The following DISP1 variants were observed in gnomAD, a reference collection of about 807,000 sequenced individuals.
DISP1 encodes the protein protein dispatched homolog 1.
A neutral mutation model predicts 37.3 loss-of-function variants in DISP1; 30 were observed. That is an observed-to-expected ratio of 0.80 (90% confidence interval 0.60 to 1.09). The LOEUF (loss-of-function observed/expected upper bound fraction) is 1.09, where lower values mean the gene tolerates loss of function less well. Ranked by LOEUF, DISP1 falls within the 50% of genes least tolerant of loss-of-function variation. The pLI is 0.00. For missense variants in DISP1, 1,598 were observed against 1,879.5 expected (o/e 0.85, Z 2.77); for synonymous variants, 634 against 690.2 (o/e 0.92, Z 1.28).
chr1:222,830,602 G>A (rs953484527), intron 1 of DISP1, among the ~76,000 whole-genome samples: 10 of 151,984 alleles, frequency 6.6e-5, no homozygotes, highest in Admixed American at 5.9e-4. Context: ...GGCTGGTCTC[G>A]AACTCCTGAC....
chr1:222,963,667 A>G (rs1676234424), intron 3 of DISP1, among the ~76,000 whole-genome samples: 1 of 152,182 alleles, frequency 6.6e-6, no homozygotes, highest in Non-Finnish European at 1.5e-5. Context: ...ACACAGGAAC[A>G]TAAAACCAAA....
chr1:222,991,757 A>G, intron 6 of DISP1, 110 bp downstream of exon 6: 1 of 1,264,850 alleles, frequency 7.9e-7, no homozygotes, highest in South Asian at 1.4e-5. Flanking sequence ...GTGGCTCAAA[A>G]TCTTTGCCAC....
chr1:222,984,522 TTATA>T (rs1266427129), intron 4 of DISP1, among the ~76,000 whole-genome samples: 1 of 149,524 alleles, frequency 6.7e-6, no homozygotes, highest in Non-Finnish European at 1.5e-5. Context: ...GGTTTATATG[TTATA>T]TATAACAGGT....
chr1:222,867,904 C>A (rs1295666456), intron 1 of DISP1, among the ~76,000 whole-genome samples: 3 of 151,914 alleles, frequency 2.0e-5, no homozygotes, highest in African/African-American at 4.8e-5. Context: ...ATGCTTAGGC[C>A]AGTTGGTTGT....
At chr1:222,847,325 C>T (rs2125302078) in intron 1 of DISP1, among the ~76,000 whole-genome samples, 1 of 152,254 alleles carries the variant, frequency 6.6e-6, no homozygotes, top group South Asian at 2.1e-4. Flanking sequence ...CCATTTCATT[C>T]AAGGGTCCTG....
chr1:222,943,511 C>T (rs1483500738), intron 3 of DISP1, 179 bp downstream of exon 3: 4 of 763,772 alleles, frequency 5.2e-6, no homozygotes, highest in Middle Eastern at 2.5e-4. Flanking sequence ...TACTGTATAT[C>T]GATTTTATCC....
intron 1 of DISP1, among the ~76,000 whole-genome samples, chr1:222,885,853 A>G (rs1414623371): frequency 6.6e-6 from 1 of 152,018 alleles, no homozygotes; most frequent in Admixed American, 6.6e-5. Flanking sequence ...GAGTTCCTCC[A>G]TGTCTATCAT....
rs993080969 is a variant in DISP1, at chr1:222,859,318, T to C, written c.-159+44240T>C. 3.9e-5 allele frequency among the ~76,000 whole-genome samples: 6 copies of C among 152,012 alleles called. No homozygotes were observed. The South Asian group carries it at 1.0e-3, about 26-fold the overall frequency. ...GACAAAGGGAGGGGAACAGCACACATTGGGGCCTGTCGGGAGGTGGAGTCG... is the reference window on the plus strand; with the variant it reads ...GACAAAGGGAGGGGAACAGCACACACTGGGGCCTGTCGGGAGGTGGAGTCG... On this transcript the variant is annotated intron_variant, in intron 1 of 8. Transcript: ENST00000675850.
At chr1:222,952,702 T>C (rs1675309183) in intron 3 of DISP1, among the ~76,000 whole-genome samples, 1 of 151,986 alleles carries the variant, frequency 6.6e-6, no homozygotes, top group Non-Finnish European at 1.5e-5. Context: ...ATACAAAAAT[T>C]AGCTGGGTGT....
intron 1 of DISP1, among the ~76,000 whole-genome samples, chr1:222,918,001 T>A (rs1408641084): frequency 2.0e-5 from 3 of 152,204 alleles, no homozygotes; most frequent in Non-Finnish European, 4.4e-5. Context: ...GGTTCCCCTC[T>A]CAACAGAAAA....
At chr1:222,950,714 A>G (rs977773079) in intron 3 of DISP1, among the ~76,000 whole-genome samples, 1 of 152,174 alleles carries the variant, frequency 6.6e-6, no homozygotes, top group African/African-American at 2.4e-5. Context: ...TCTGTTCTTT[A>G]TCCTCCAGAG....
chr1:222,828,663 C>G (rs560454424), intron 1 of DISP1, among the ~76,000 whole-genome samples: 12 of 152,276 alleles, frequency 7.9e-5, no homozygotes, highest in African/African-American at 2.2e-4. Flanking sequence ...GCCTATTACC[C>G]TATTTTCTAT....
At chr1:222,830,326 T>G (rs979172402) in intron 1 of DISP1, among the ~76,000 whole-genome samples, 2 of 152,082 alleles carry the variant, frequency 1.3e-5, no homozygotes, top group African/African-American at 4.8e-5. Context: ...CTTCCTTTCC[T>G]TCTTTTTATT....
chr1:222,869,493 C>T (rs959350419), intron 1 of DISP1, among the ~76,000 whole-genome samples: 1 of 152,030 alleles, frequency 6.6e-6, no homozygotes, highest in Non-Finnish European at 1.5e-5. Flanking sequence ...TTCATTATGG[C>T]ACCACCAAAT....
intron 1 of DISP1, among the ~76,000 whole-genome samples, chr1:222,875,181 T>G (rs527277185): frequency 1.3e-3 from 195 of 152,018 alleles, no homozygotes; most frequent in African/African-American, 4.4e-3. Context: ...TAAATTTAGG[T>G]TTTTGCCTCT....
chr1:222,878,724 AGCAT>A (rs1197697875), intron 1 of DISP1, among the ~76,000 whole-genome samples: 2 of 152,182 alleles, frequency 1.3e-5, no homozygotes, highest in African/African-American at 4.8e-5. Flanking sequence ...TTATGGATAA[AGCAT>A]TTTTGCAAAC....
intron 1 of DISP1, among the ~76,000 whole-genome samples, chr1:222,843,042 T>C (rs564760031): frequency 7.6e-4 from 115 of 152,166 alleles, no homozygotes; most frequent in Non-Finnish European, 1.2e-3. Context: ...CTTCCTTGAA[T>C]TTATATAACA....
chr1:222,926,268 G>A (rs1227692504), intron 1 of DISP1, among the ~76,000 whole-genome samples: 1 of 152,092 alleles, frequency 6.6e-6, no homozygotes, highest in African/African-American at 2.4e-5. Flanking sequence ...TATTTTTATG[G>A]CTGAATAATA....
At chr1:222,962,022 G>A (rs111331064) in intron 3 of DISP1, among the ~76,000 whole-genome samples, 1 of 139,428 alleles carries the variant, frequency 7.2e-6, no homozygotes, top group African/African-American at 3.1e-5. Flanking sequence ...GAAAAAAAAA[G>A]AAGAAGAAAG....
Sources: gnomAD v4.1 joint callset for allele counts (sites outside exome capture counted in the v4.1 genomes callset) on GRCh38, gnomAD v4.1.1 for gene constraint, MANE v1.5 for transcripts, NCBI Gene and HGNC (gene_info 2026-07-23, HGNC 2026-07-21) for gene names.